Variants in DAB2IP observed in about 807,000 individuals in gnomAD.
DAB2IP encodes the protein DAB2 interacting protein.
In DAB2IP, 28 loss-of-function variants were observed where a neutral mutation model predicts 107.2. The ratio of observed to expected loss-of-function variants is 0.26; its 90% CI spans 0.19 to 0.36. DAB2IP has a LOEUF of 0.36. DAB2IP is among the 10% of genes least tolerant of loss of function. The pLI is 1.00. For synonymous variants in DAB2IP, 755 were observed against 706.4 expected (o/e 1.07, Z -1.09); for missense variants, 1,400 against 1,644.7 (o/e 0.85, Z 2.57).
At position 121,635,914 on chromosome 9, in the gene DAB2IP, G is replaced by C. The variant is rs1000896469; in HGVS notation, c.41-42764G>C. ...TGTTTAGATGTCTTTTTTGGGGGGG[G>C]GTCTGGGGGATGGAGTCTTGCTCTG... On this transcript the variant is annotated intron_variant, in intron 1 of 16. Transcript: ENST00000259371. This position sits in a 1 kb window ranked among gnomAD's most constrained non-coding sequence, Gnocchi z 4.3. Among the ~76,000 whole-genome samples, 1 of 150,458 alleles carries C rather than the reference G, an allele frequency of 6.6e-6. No homozygotes were observed. The highest frequency in any genetic ancestry group is 6.7e-5 in the Admixed American group (1 of 14,966).
intron 3 of DAB2IP, among the ~76,000 whole-genome samples, chr9:121,704,343 A>G (rs142579715): frequency 6.6e-6 from 1 of 152,236 alleles, no homozygotes; most frequent in Admixed American, 6.5e-5. Flanking sequence ...GGATGTCATC[A>G]TTAAAGCAGT....
intron 2 of DAB2IP, among the ~76,000 whole-genome samples, chr9:121,697,537 C>T (rs1254546691): frequency 6.6e-6 from 1 of 152,196 alleles, no homozygotes; most frequent in African/African-American, 2.4e-5. Context: ...GCTCTCCTGA[C>T]CTGCCACCGT....
At chr9:121,654,454 GTTT>G (rs998397635) in intron 1 of DAB2IP, among the ~76,000 whole-genome samples, 1 of 151,740 alleles carries the variant, frequency 6.6e-6, no homozygotes, top group Non-Finnish European at 1.5e-5. Flanking sequence ...TTGTTTGTTT[GTTT>G]TTTTAAAAAA....
intron 1 of DAB2IP, among the ~76,000 whole-genome samples, chr9:121,676,259 C>G (rs1263663317): frequency 6.6e-6 from 1 of 152,204 alleles, no homozygotes; most frequent in Non-Finnish European, 1.5e-5. Flanking sequence ...AGGGAATGGC[C>G]TGGAAAGCAC....
chr9:121,763,395 T>C (rs2118980435), intron 6 of DAB2IP, 110 bp from the exon 7 acceptor site: 1 of 1,440,942 alleles, frequency 6.9e-7, no homozygotes, highest in East Asian at 2.3e-5. Context: ...CGCAGCTTGG[T>C]GATGGAACAG....
chr9:121,600,197 G>A (rs898881840), intron 1 of DAB2IP, among the ~76,000 whole-genome samples: 4 of 152,156 alleles, frequency 2.6e-5, no homozygotes, highest in African/African-American at 9.6e-5. Context: ...CTGGGAATTG[G>A]TGATAGGGCA....
intron 1 of DAB2IP, among the ~76,000 whole-genome samples, chr9:121,628,091 C>T (rs1184188601): frequency 6.6e-6 from 1 of 152,232 alleles, no homozygotes. Context: ...GCACCTGGAG[C>T]AGAGGTTGTG....
intron 3 of DAB2IP, among the ~76,000 whole-genome samples, chr9:121,735,927 G>T (rs542985941): frequency 6.6e-6 from 1 of 152,156 alleles, no homozygotes; most frequent in Non-Finnish European, 1.5e-5. Context: ...GGGCGCAATC[G>T]GGAACCTGGG....
At chr9:121,580,687 C>T (rs1830171989) in intron 1 of DAB2IP, among the ~76,000 whole-genome samples, 1 of 151,996 alleles carries the variant, frequency 6.6e-6, no homozygotes, top group African/African-American at 2.4e-5. Flanking sequence ...TCCAGTGGCG[C>T]AATCTCAGCT....
chr9:121,776,128 C>G lies in DAB2IP; in HGVS notation c.3121-70C>G, dbSNP rs1335224575. The G allele has an allele frequency of 6.6e-7, 1 of 1,525,130 alleles. No homozygotes were observed. Among genetic ancestry groups the G allele is most frequent in the Non-Finnish European group, 8.8e-7 (1 of 1,130,612 alleles). 94.5% of individuals were successfully genotyped at this position (1,525,130 alleles called of 1,614,324 possible). ...TGGGGCTCCCTCCTACCCTTCCTCC[C>G]ACTCGGGCTGACGAAGCTGTGCTCT... On this transcript the variant is annotated intron_variant, in intron 13 of 15. Coordinates refer to ENST00000408936, the Ensembl canonical transcript of DAB2IP. The surrounding 1 kb of genome is among the most constrained non-coding windows in gnomAD (Gnocchi z 5.4).
At chr9:121,682,690 G>A (rs779944768) in intron 2 of DAB2IP, among the ~76,000 whole-genome samples, 21 of 152,306 alleles carry the variant, frequency 1.4e-4, no homozygotes, top group South Asian at 4.1e-4. Context: ...GTAAGGCAGC[G>A]TACAGTTCAG....
At chr9:121,718,877 C>G (rs1157072523) in intron 3 of DAB2IP, among the ~76,000 whole-genome samples, 2 of 152,194 alleles carry the variant, frequency 1.3e-5, no homozygotes, top group African/African-American at 4.8e-5. Flanking sequence ...CTGCTTAAAG[C>G]TGGCTCTGCT....
chr9:121,776,238 A>C lies in DAB2IP; in HGVS notation c.3161A>C (p.Lys1054Thr). The change falls in exon 14 of 16, where the codon AAG becomes ACG. Residue 1054 changes from lysine (K) to threonine (T), a missense_variant. Transcript: ENST00000408936. This position sits in a 1 kb window ranked among gnomAD's most constrained non-coding sequence, Gnocchi z 5.4. ...CAGGACAAGCTGCGAATCTCCACCA[A>C]GAAGCTGGAGGAGTATGAGACCCTG... 1 of 1,585,604 alleles carries C rather than the reference A, an allele frequency of 6.3e-7. No individual in the cohort carries two copies. The highest frequency in any genetic ancestry group is 8.6e-7 in the Non-Finnish European group (1 of 1,166,302).
chr9:121,611,112 A>T (rs181062865), intron 1 of DAB2IP, among the ~76,000 whole-genome samples: 51 of 152,240 alleles, frequency 3.3e-4, no homozygotes, highest in Non-Finnish European at 6.6e-4. Flanking sequence ...AGTAGCTGGG[A>T]TTACAGGTGC....
At position 121,599,235 on chromosome 9, in the gene DAB2IP, G is replaced by A. The variant is rs971099417; in HGVS notation, c.40+32007G>A. Among the ~76,000 whole-genome samples, 7 of 152,200 alleles carry A rather than the reference G, an allele frequency of 4.6e-5. No individual in the cohort carries two copies. The highest frequency in any genetic ancestry group is 1.7e-4 in the African/African-American group (7 of 41,470). ...CCCTCATAGCGCCGAAACGGAAGCA[G>A]AGGTTATCTCTGGACTCCTGGAGGC... On this transcript the variant is annotated intron_variant, in intron 1 of 16. Transcript: ENST00000259371. This position sits in a 1 kb window ranked among gnomAD's most constrained non-coding sequence, Gnocchi z 6.9.
intron 1 of DAB2IP, among the ~76,000 whole-genome samples, chr9:121,613,797 A>G (rs1391785287): frequency 2.0e-5 from 3 of 152,232 alleles, no homozygotes; most frequent in Non-Finnish European, 4.4e-5. Flanking sequence ...CTCCTTTTAA[A>G]TATTCAGAAC....
At chr9:121,689,455 A>G (rs1829051445) in intron 2 of DAB2IP, among the ~76,000 whole-genome samples, 1 of 152,160 alleles carries the variant, frequency 6.6e-6, no homozygotes, top group African/African-American at 2.4e-5. Flanking sequence ...TTCTGTAGTG[A>G]AAAGGGCTTT....
At chr9:121,690,884 C>T (rs1829127664) in intron 2 of DAB2IP, among the ~76,000 whole-genome samples, 1 of 152,148 alleles carries the variant, frequency 6.6e-6, no homozygotes, top group Non-Finnish European at 1.5e-5. Context: ...AGGGGCCTCC[C>T]AGGGCAGCCA....
chr9:121,721,191 C>T (rs1373336008), intron 3 of DAB2IP, among the ~76,000 whole-genome samples: 1 of 152,132 alleles, frequency 6.6e-6, no homozygotes, highest in African/African-American at 2.4e-5. Context: ...ATGTAAAGAT[C>T]AAATAACAAT....
Sources: gnomAD v4.1 joint callset for allele counts (sites outside exome capture counted in the v4.1 genomes callset) on GRCh38, gnomAD v4.1.1 for gene constraint, Gnocchi (gnomAD v3.1) non-coding constraint, MANE v1.5 for transcripts, NCBI Gene and HGNC (gene_info 2026-07-23, HGNC 2026-07-21) for gene names.